MTRF1: variants seen among roughly 807,000 people sequenced by gnomAD.
MTRF1 encodes the protein peptide chain release factor 1, mitochondrial.
In MTRF1, 51 loss-of-function variants were observed where a neutral mutation model predicts 62.9. That is an observed-to-expected ratio of 0.81 (90% CI 0.65 to 1.02). MTRF1 has a LOEUF of 1.02. MTRF1 is among the 50% of genes least tolerant of loss of function. The probability of loss-of-function intolerance (pLI) is 0.00; values close to 1 mark genes in which losing one functional copy is unlikely to be tolerated. For missense variants in MTRF1, 446 were observed against 530.0 expected (o/e 0.84, Z 1.56); for synonymous variants, 158 against 181.9 (o/e 0.87, Z 1.06).
At chr13:41,295,111 A>T in the MTRF1 span, among the ~76,000 whole-genome samples, 1 of 152,192 alleles carries the variant, frequency 6.6e-6, no homozygotes. Context: ...GGAAAGGTAC[A>T]TCTTTTTGCT....
In MTRF1 at chr13:41,233,919, C is replaced by T. The variant is rs2036032077; in HGVS notation, c.959G>A (p.Ser320Asn). The T allele has an allele frequency of 1.2e-6, 2 of 1,614,050 alleles. No homozygotes were observed. Among genetic ancestry groups the T allele is most frequent in the East Asian group, 2.2e-5 (1 of 44,890 alleles). Reference sequence around the variant, plus strand: ...GGGGATGTGGACAAGTCTGACGGCACTATCAGTTTTATTAACATGCTGCCC... The same window carrying T: ...GGGGATGTGGACAAGTCTGACGGCATTATCAGTTTTATTAACATGCTGCCC... ...AGGQHVNKTDSAVRLVHIPTG... is the reference protein window; with the variant it reads ...AGGQHVNKTDNAVRLVHIPTG... Residue 320 changes from serine to asparagine, a missense_variant, in exon 7 of 10, where the codon AGT (serine) becomes AAT (asparagine). Transcript: ENST00000379480.
At chr13:41,269,942 T>A in the MTRF1 span, among the ~76,000 whole-genome samples, 1 of 152,214 alleles carries the variant, frequency 6.6e-6, no homozygotes, top group Non-Finnish European at 1.5e-5. Context: ...GAAACAAAGA[T>A]AACAGTCCTT....
At chr13:41,253,311 G>A in intron 3 of MTRF1, among the ~76,000 whole-genome samples, 1 of 152,156 alleles carries the variant, frequency 6.6e-6, no homozygotes, top group East Asian at 1.9e-4. Context: ...AGTCCAGGGT[G>A]TTCCATTCAA....
chr13:41,301,522 C>T, the MTRF1 span, among the ~76,000 whole-genome samples: 3 of 152,006 alleles, frequency 2.0e-5, no homozygotes, highest in Admixed American at 6.6e-5. Context: ...CTGAGGTGGA[C>T]GGATCACCTG....
chr13:41,300,051 A>T, the MTRF1 span, among the ~76,000 whole-genome samples: 1 of 152,210 alleles, frequency 6.6e-6, no homozygotes, highest in Non-Finnish European at 1.5e-5. Context: ...GCAAGGTTGG[A>T]TAAACTACTG....
chr13:41,249,619 CTTTTTTTTTTTTTTTTT>C (rs1166204914), intron 5 of MTRF1, among the ~76,000 whole-genome samples: 4 of 61,532 alleles, frequency 6.5e-5, no homozygotes, highest in Non-Finnish European at 8.0e-5. Flanking sequence ...ATTTTTTTTT[CTTTTTTTTTTTTTTTTT>C]TTTTTTTTGG....
At chr13:41,258,012 A>G (rs996711914) in intron 2 of MTRF1, among the ~76,000 whole-genome samples, 1 of 152,244 alleles carries the variant, frequency 6.6e-6, no homozygotes, top group Non-Finnish European at 1.5e-5. Flanking sequence ...AATATTATAC[A>G]TGATACAACC....
At chr13:41,265,578 A>G (rs148438967), upstream of MTRF1, among the ~76,000 whole-genome samples, 64 of 152,304 alleles carry the variant, frequency 4.2e-4, no homozygotes, top group African/African-American at 1.3e-3. Flanking sequence ...TAAGGTGATT[A>G]AGGTCAGATG....
chr13:41,243,133 C>T (rs997712749), intron 5 of MTRF1, among the ~76,000 whole-genome samples: 6 of 152,100 alleles, frequency 3.9e-5, no homozygotes, highest in African/African-American at 7.2e-5. Context: ...GCAGAAGAAT[C>T]GCTTGAACCT....
At position 41,263,479 on chromosome 13, in the gene MTRF1, G is replaced by A. The variant is rs981217627; in HGVS notation, c.-9+6C>T. 6.3e-6 allele frequency: 2 copies of A among 315,514 alleles called. No individual in the cohort carries two copies. Among genetic ancestry groups the A allele is most frequent in the Non-Finnish European group, 1.3e-5 (2 of 157,456 alleles). The allele number at this position is 315,514 out of a possible 1,614,324, so 19.5% of individuals were successfully genotyped here. On this transcript the variant is annotated splice_donor_region_variant and intron_variant, in intron 1 of 9. Coordinates refer to ENST00000379480, the MANE Select transcript of MTRF1 (RefSeq NM_004294.4). ...GCGGGGAAGATCAGGAAAGAACTGTGAGTACCTAAGAAAAAGAAGAATACA... is the reference window on the plus strand; with the variant it reads ...GCGGGGAAGATCAGGAAAGAACTGTAAGTACCTAAGAAAAAGAAGAATACA...
At chr13:41,242,600 T>C (rs983205648) in intron 5 of MTRF1, among the ~76,000 whole-genome samples, 2 of 152,194 alleles carry the variant, frequency 1.3e-5, no homozygotes, top group Non-Finnish European at 2.9e-5. Flanking sequence ...ATGGGTCTCC[T>C]GTGTTCCTGC....
chr13:41,280,270 A>G, the MTRF1 span, among the ~76,000 whole-genome samples: 1 of 152,080 alleles, frequency 6.6e-6, no homozygotes, highest in African/African-American at 2.4e-5. Context: ...TTTCCTTTCC[A>G]TTGATCCCAG....
At chr13:41,300,583 C>T in the MTRF1 span, among the ~76,000 whole-genome samples, 3 of 142,056 alleles carry the variant, frequency 2.1e-5, no homozygotes, top group Admixed American at 7.1e-5. Context: ...AAGACTCCGT[C>T]TCAAAAAAAA....
chr13:41,252,806 T>G, intron 4 of MTRF1, 54 bp from the exon 5 acceptor site: 5 of 1,497,554 alleles, frequency 3.3e-6, no homozygotes, highest in Non-Finnish European at 4.6e-6. Context: ...AAAGCCACCC[T>G]TAAGACTAAG....
Position 41,217,215 on chromosome 13 carries a change from C to T in MTRF1, c.1238G>A (p.Gly413Asp), listed in dbSNP as rs1457627350. Residue 413 changes from glycine to aspartate, a missense_variant, in exon 10 of 10, where the codon GGT becomes GAT. Transcript: ENST00000379480. ...AATTAGCTGATCCAGGCCCTTCCCA[C>T]CACATAAAAATTCCTGGTAAAAGAG... ...EVRDIKEFLC[G>D]GKGLDQLIQR... 1.2e-6 allele frequency: 2 copies of T among 1,601,896 alleles called. No individual in the cohort carries two copies. Among genetic ancestry groups the T allele is most frequent in the East Asian group, 2.2e-5 (1 of 44,604 alleles).
chr13:41,263,723 C>G (rs867670754), upstream of MTRF1: 1 of 152,152 alleles, frequency 6.6e-6, no homozygotes, highest in Admixed American at 6.6e-5. Flanking sequence ...AATGACAAAA[C>G]GAGAATGAAA....
chr13:41,229,165 C>A (rs2035046821), intron 7 of MTRF1: 1 of 152,158 alleles, frequency 6.6e-6, no homozygotes, highest in Admixed American at 6.5e-5. Flanking sequence ...GTAAGTCTGG[C>A]AGCACAATGA....
intron 6 of MTRF1, among the ~76,000 whole-genome samples, chr13:41,238,472 A>G (rs954198437): frequency 5.9e-5 from 9 of 152,314 alleles, no homozygotes; most frequent in African/African-American, 2.2e-4. Flanking sequence ...AAAGAATGCA[A>G]GTGTGGGGTA....
rs149112882 is a variant in MTRF1, at chr13:41,226,460, C to G, written c.1097G>C (p.Arg366Pro). 3.1e-6 allele frequency: 5 copies of G among 1,612,754 alleles called. No individual in the cohort carries two copies. The highest frequency in any genetic ancestry group is 4.2e-6 in the Non-Finnish European group (5 of 1,179,816). Reference sequence around the variant, plus strand: ...CAGTTTTCTAGCACTTTGTTGCTGACGCTTGTCTTTCTCAATAATCTGCTG... The same window carrying G: ...CAGTTTTCTAGCACTTTGTTGCTGAGGCTTGTCTTTCTCAATAATCTGCTG... ...LYQQIIEKDK[R>P]QQQSARKLQV... Residue 366 changes from arginine (R) to proline (P), a missense_variant, in exon 8 of 10, where the codon CGT (arginine) becomes CCT (proline). Physicochemically the swap from Arg to Pro is moderately radical, Grantham distance 103. Transcript: ENST00000379480.
Sources: allele counts gnomAD v4.1 joint callset (sites outside exome capture counted in the v4.1 genomes callset), GRCh38; gene constraint gnomAD v4.1.1; transcripts MANE v1.5; gene names NCBI Gene and HGNC (gene_info 2026-07-23, HGNC 2026-07-21).